The following TPD52L2 variants were observed in gnomAD, a reference collection of about 807,000 sequenced individuals.
The protein encoded by TPD52L2 is TPD52 like 2, also known as tumor protein D54.
TPD52L2 carries 19 observed loss-of-function variants against 24.7 expected under a neutral mutation model. The ratio of observed to expected loss-of-function variants is 0.77; its 90% confidence interval spans 0.54 to 1.13. The LOEUF is 1.13. Among genes scored for constraint, TPD52L2 ranks in the 50% most tolerant of loss-of-function variants. TPD52L2 has a pLI of 0.00. For synonymous variants in TPD52L2, 104 were observed against 100.2 expected (o/e 1.04, Z -0.23); for missense variants, 236 against 250.4 (o/e 0.94, Z 0.39).
chr20:63,869,361 A>C lies in TPD52L2; in HGVS notation c.85A>C (p.Thr29Pro), dbSNP rs1312858576. The C allele has an allele frequency of 6.2e-7, 1 of 1,614,140 alleles. No individual in the cohort carries two copies. The highest frequency in any genetic ancestry group is 8.5e-7 in the Non-Finnish European group (1 of 1,180,024). Reference sequence around the variant, plus strand: ...CTCCATGACGGATGTTCCTGTCGACACAGGTGTGGCTGCCCGGACTCCTGC... The same window carrying C: ...CTCCATGACGGATGTTCCTGTCGACCCAGGTGTGGCTGCCCGGACTCCTGC... The part of the protein sequence containing the change: ...SDSMTDVPVD[T>P]GVAARTPAVE... Residue 29 changes from threonine (T) to proline (P), a missense_variant, in exon 2 of 7, where the codon ACA (threonine) becomes CCA (proline). Physicochemically the swap from Thr to Pro is conservative, Grantham distance 38. Coordinates refer to ENST00000346249, the MANE Select transcript of TPD52L2 (RefSeq NM_003288.4).
intron 3 of TPD52L2, among the ~76,000 whole-genome samples, chr20:63,874,218 ATT>A (rs532097736): frequency 1.7e-3 from 228 of 133,602 alleles, no homozygotes; most frequent in African/African-American, 5.3e-3. Context: ...CGCCCGGCTG[ATT>A]TTTTTTTTTG....
At chr20:63,865,458 G>A (rs1164172162) in intron 1 of TPD52L2, 74 bp downstream of exon 1, 6 of 1,480,282 alleles carry the variant, frequency 4.1e-6, no homozygotes, top group Middle Eastern at 1.8e-4. Context: ...CCGGGGTCGC[G>A]TCTGCGACTC....
chr20:63,875,904 CCTT>C (rs2052655956), intron 4 of TPD52L2, 29 bp downstream of exon 4: 1 of 1,610,940 alleles, frequency 6.2e-7, no homozygotes. Context: ...AGCACCTCCT[CCTT>C]CCTCCTCTCC....
intron 5 of TPD52L2, among the ~76,000 whole-genome samples, chr20:63,886,277 GCTTCC>G (rs2053095405): frequency 6.6e-6 from 1 of 151,992 alleles, no homozygotes; most frequent in East Asian, 1.9e-4. Context: ...CCCTCCTCGT[GCTTCC>G]CTTCAGGCTC....
At chr20:63,869,545 G>C in intron 2 of TPD52L2, 104 bp downstream of exon 2, 2 of 1,433,638 alleles carry the variant, frequency 1.4e-6, no homozygotes, top group Non-Finnish European at 1.9e-6. Flanking sequence ...ATTGCCCTGG[G>C]TGGTCACCTA....
intron 4 of TPD52L2, among the ~76,000 whole-genome samples, chr20:63,881,863 T>C (rs2052912558): frequency 6.6e-6 from 1 of 152,216 alleles, no homozygotes; most frequent in South Asian, 2.1e-4. Context: ...GGCCAGCGAC[T>C]TCAGGTGTTG....
intron 2 of TPD52L2, among the ~76,000 whole-genome samples, chr20:63,872,628 T>C (rs1362421458): frequency 1.3e-5 from 2 of 152,166 alleles, no homozygotes; most frequent in Non-Finnish European, 1.5e-5. Flanking sequence ...TCTGCCTGCC[T>C]TGGCCTCACA....
intron 2 of TPD52L2, among the ~76,000 whole-genome samples, chr20:63,872,611 C>T (rs1467099392): frequency 3.3e-5 from 5 of 152,100 alleles, no homozygotes; most frequent in African/African-American, 7.2e-5. Flanking sequence ...CTCCTGACCT[C>T]AGATAATCTG....
intron 1 of TPD52L2, among the ~76,000 whole-genome samples, chr20:63,865,644 C>T (rs905086212): frequency 4.6e-5 from 7 of 151,892 alleles, no homozygotes; most frequent in East Asian, 2.0e-4. Flanking sequence ...GGTGTGGTTC[C>T]CTGGCGCCCG....
chr20:63,869,726 T>A (rs1455050106), intron 2 of TPD52L2, among the ~76,000 whole-genome samples: 1 of 152,238 alleles, frequency 6.6e-6, no homozygotes, highest in Non-Finnish European at 1.5e-5. Context: ...GAACCGCCTC[T>A]GAGCAGCCAT....
chr20:63,876,027 C>G (rs2052662137), intron 4 of TPD52L2, 152 bp downstream of exon 4: 1 of 781,384 alleles, frequency 1.3e-6, no homozygotes, highest in Non-Finnish European at 2.1e-6. Context: ...CTCAGGTAAA[C>G]TATCCTTTAA....
intron 4 of TPD52L2, among the ~76,000 whole-genome samples, chr20:63,878,329 C>T (rs1445221727): frequency 6.6e-6 from 1 of 152,224 alleles, no homozygotes; most frequent in African/African-American, 2.4e-5. Context: ...CAGCTGTGTT[C>T]TGCGAGTGGT....
chr20:63,887,354 T>C, intron 5 of TPD52L2: 1 of 694,916 alleles, frequency 1.4e-6, no homozygotes, highest in Admixed American at 2.0e-5. Context: ...TGCTATGCGC[T>C]GGGCAACTTG....
intron 4 of TPD52L2, among the ~76,000 whole-genome samples, chr20:63,878,549 G>A (rs1301077926): frequency 6.6e-6 from 1 of 152,190 alleles, no homozygotes; most frequent in African/African-American, 2.4e-5. Context: ...CCCCACTGCT[G>A]CAGCCCAACA....
chr20:63,868,810 C>T (rs1350390157), intron 1 of TPD52L2, among the ~76,000 whole-genome samples: 5 of 152,152 alleles, frequency 3.3e-5, no homozygotes, highest in Non-Finnish European at 7.3e-5. Context: ...AGCGTGGTGG[C>T]GTGCGCCTGT....
At chr20:63,881,979 T>G (rs2052916282) in intron 4 of TPD52L2, among the ~76,000 whole-genome samples, 1 of 152,330 alleles carries the variant, frequency 6.6e-6, no homozygotes, top group Admixed American at 6.5e-5. Context: ...TTTGATGGGA[T>G]GTACCCATGT....
Position 63,865,400 on chromosome 20 carries a change from G to C in TPD52L2, c.19+16G>C. ...GCCGGCCAAGGTACCTGCCGGGCCCGGCCCCTTCGCCGCAGATGGGCCCAG... is the reference window on the plus strand; with the variant it reads ...GCCGGCCAAGGTACCTGCCGGGCCCCGCCCCTTCGCCGCAGATGGGCCCAG... On this transcript the variant is annotated intron_variant, in intron 1 of 6. Transcript: ENST00000346249. 6.5e-7 allele frequency: 1 copy of C among 1,528,602 alleles called. No homozygotes were observed. The highest frequency in any genetic ancestry group is 1.2e-5 in the South Asian group (1 of 82,708). The allele number at this position is 1,528,602 out of a possible 1,614,324, so 94.7% of individuals were successfully genotyped here.
At chr20:63,883,962 G>A (rs1329566209) in intron 5 of TPD52L2, among the ~76,000 whole-genome samples, 4 of 151,998 alleles carry the variant, frequency 2.6e-5, no homozygotes, top group African/African-American at 7.3e-5. Flanking sequence ...GGACACAGAC[G>A]GCCACACACA....
At position 63,890,191 on chromosome 20, in the gene TPD52L2, G is replaced by C. The variant is rs1248144769; in HGVS notation, c.*246G>C. ...GATCACTGTGCTGTCCTTCCTAGGG[G>C]TGCAGGAAGTGGACAGGGCGGAGGG... On this transcript the variant is annotated 3_prime_UTR_variant, in exon 7 of 7. Transcript: ENST00000346249. 3 of 853,432 alleles carry C rather than the reference G, an allele frequency of 3.5e-6. No individual in the cohort carries two copies. The highest frequency in any genetic ancestry group is 3.7e-5 in the South Asian group (2 of 54,538). 52.9% of individuals were successfully genotyped at this position (853,432 alleles called of 1,614,324 possible).
Sources: gnomAD v4.1 joint callset for allele counts (sites outside exome capture counted in the v4.1 genomes callset) on GRCh38, gnomAD v4.1.1 for gene constraint, MANE v1.5 for transcripts, NCBI Gene and HGNC (gene_info 2026-07-23, HGNC 2026-07-21) for gene names.